The following PRICKLE1 variants were observed in gnomAD, a reference collection of about 807,000 sequenced individuals.
PRICKLE1 encodes prickle planar cell polarity protein 1, also known as prickle-like protein 1.
PRICKLE1 carries 14 observed loss-of-function variants against 70.2 expected under a neutral mutation model. The ratio of observed to expected loss-of-function variants is 0.20; its 90% confidence interval spans 0.13 to 0.31. The LOEUF is 0.31. PRICKLE1 is among the 10% of genes least tolerant of loss of function. PRICKLE1 has a pLI of 1.00. For missense variants in PRICKLE1, 821 were observed against 1,026.2 expected, an observed-to-expected ratio of 0.80 and a Z score of 2.73; for synonymous variants, 357 against 379.9, an observed-to-expected ratio of 0.94 and a Z score of 0.70.
chr12:42,524,847 G>T (rs978957544), intron 1 of PRICKLE1: 21 of 152,328 alleles, frequency 1.4e-4, no homozygotes, highest in African/African-American at 4.8e-4. Flanking sequence ...CAGCCTTGGT[G>T]CCAGCTTTGC....
At chr12:42,559,901 G>A (rs10128834) in intron 1 of PRICKLE1, among the ~76,000 whole-genome samples, 40,007 of 151,306 alleles carry the variant, frequency 0.26, 7,516 homozygotes, top group African/African-American at 0.54. Flanking sequence ...TTTGGAGCCT[G>A]TGCTGAAGGG....
intron 1 of PRICKLE1, among the ~76,000 whole-genome samples, chr12:42,486,742 G>C (rs890968190): frequency 6.6e-6 from 1 of 152,158 alleles, no homozygotes; most frequent in African/African-American, 2.4e-5. Context: ...CTCCTTTTTA[G>C]TTTTAAGGGT....
intron 1 of PRICKLE1, among the ~76,000 whole-genome samples, chr12:42,491,167 G>A (rs1044249336): frequency 6.6e-6 from 1 of 151,402 alleles, no homozygotes; most frequent in South Asian, 2.1e-4. Flanking sequence ...GAGCCACTGC[G>A]CCAGGCTTCT....
chr12:42,540,225 T>C (rs761041756), intron 1 of PRICKLE1, among the ~76,000 whole-genome samples: 6 of 152,190 alleles, frequency 3.9e-5, no homozygotes, highest in Non-Finnish European at 8.8e-5. Context: ...GGATAACTGA[T>C]AGAATGTTTC....
chr12:42,561,244 T>C (rs892533049), intron 1 of PRICKLE1, among the ~76,000 whole-genome samples: 1 of 152,210 alleles, frequency 6.6e-6, no homozygotes, highest in Admixed American at 6.6e-5. Flanking sequence ...GTTGTGTGTG[T>C]TGCAAGCGAA....
chr12:42,559,987 A>C (rs951925338), intron 1 of PRICKLE1, among the ~76,000 whole-genome samples: 4 of 151,944 alleles, frequency 2.6e-5, no homozygotes, highest in African/African-American at 9.7e-5. Flanking sequence ...TCACAAAATT[A>C]ATGTGCTAAC....
chr12:42,483,384 C>G (rs1470980257), intron 1 of PRICKLE1: 1 of 149,052 alleles, frequency 6.7e-6, no homozygotes, highest in Admixed American at 6.6e-5. Context: ...ACCTGCGGCC[C>G]GGACAGCGGC....
In PRICKLE1 at chr12:42,527,925, A is replaced by C. The variant is rs1265566795; in HGVS notation, c.-48-55361T>G. ...TATATATACTCTTTATAATATATAT[A>C]TATATATATATATATATATATATAT... On this transcript the variant is annotated intron_variant, in intron 1 of 7. Transcript: ENST00000345127. Among the ~76,000 whole-genome samples, 25 of 5,712 alleles carry C rather than the reference A, an allele frequency of 4.4e-3. 2 individuals are homozygous for C. The highest frequency in any genetic ancestry group is 0.04 in the South Asian group (7 of 174). The allele number at this position is 5,712 out of a possible 152,430, so 3.7% of individuals were successfully genotyped here.
At chr12:42,516,805 G>A (rs558670839) in intron 1 of PRICKLE1, among the ~76,000 whole-genome samples, 5 of 152,194 alleles carry the variant, frequency 3.3e-5, no homozygotes, top group African/African-American at 4.8e-5. Flanking sequence ...TGTTCTCACC[G>A]CATGCACCCA....
At chr12:42,479,618 A>G (rs1004049709) in intron 1 of PRICKLE1, among the ~76,000 whole-genome samples, 3 of 152,182 alleles carry the variant, frequency 2.0e-5, no homozygotes, top group Non-Finnish European at 4.4e-5. Flanking sequence ...GGGAATGCCA[A>G]AAGGAGCCAA....
At position 42,527,964 on chromosome 12, in the gene PRICKLE1, T is replaced by TATAC. The variant is rs1566114369; in HGVS notation, c.-48-55401_-48-55400insGTAT. Among the ~76,000 whole-genome samples, 18 of 7,192 alleles carry TATAC rather than the reference T, an allele frequency of 2.5e-3. 2 individuals are homozygous for TATAC. Among genetic ancestry groups the TATAC allele is most frequent in the African/African-American group, 6.5e-3 (18 of 2,758 alleles). The allele number at this position is 7,192 out of a possible 152,430, so 4.7% of individuals were successfully genotyped here. A position where few individuals can be genotyped will look rare whatever the true frequency, so the allele number is the denominator to read the frequency against. Reference sequence around the variant, plus strand: ...ATATATATATATATATATATATATATATATATATCTCCAAAGTTTTATATA... The same window carrying TATAC: ...ATATATATATATATATATATATATATATACATATATATCTCCAAAGTTTTATATA... On this transcript the variant is annotated intron_variant, in intron 1 of 7. Transcript: ENST00000345127.
intron 1 of PRICKLE1, among the ~76,000 whole-genome samples, chr12:42,506,545 C>T (rs142906604): frequency 2.0e-5 from 3 of 148,298 alleles, no homozygotes; most frequent in Admixed American, 6.8e-5. Context: ...ACGTGAGCCA[C>T]CGCGCCCAGC....
intron 1 of PRICKLE1, among the ~76,000 whole-genome samples, chr12:42,527,435 C>T (rs1939825545): frequency 6.6e-6 from 1 of 152,104 alleles, no homozygotes; most frequent in Non-Finnish European, 1.5e-5. Context: ...CCCCGCCCAG[C>T]CTAAAGGTGT....
chr12:42,478,611 T>TA (rs1168434142), intron 1 of PRICKLE1, among the ~76,000 whole-genome samples: 1 of 151,862 alleles, frequency 6.6e-6, no homozygotes, highest in African/African-American at 2.4e-5. Context: ...TTTTGAAAAC[T>TA]AAAAGCCTAC....
Position 42,464,564 on chromosome 12 carries a change from G to T in PRICKLE1, c.1470C>A (p.Gly490=), listed in dbSNP as rs1213762995. 6.2e-7 allele frequency: 1 copy of T among 1,613,850 alleles called. No homozygotes were observed. Among genetic ancestry groups the T allele is most frequent in the South Asian group, 1.1e-5 (1 of 91,072 alleles). The change falls in exon 7 of 8, where the codon GGC becomes GGA. Residue 490 remains glycine (G), a synonymous_variant. Transcript: ENST00000345127. The surrounding 1 kb of genome is among the most constrained non-coding windows in gnomAD (Gnocchi z 4.2). ...CCTGAAGCCTTCTACTGCTTGCAGGGCCTGGGTGGCTGCCATAAGCAGAAT... is the reference window on the plus strand; with the variant it reads ...CCTGAAGCCTTCTACTGCTTGCAGGTCCTGGGTGGCTGCCATAAGCAGAAT... ...LGDSAYGSHP[G]PASSRRLQEL...
chr12:42,495,050 T>C (rs991056773), intron 1 of PRICKLE1, among the ~76,000 whole-genome samples: 4 of 151,416 alleles, frequency 2.6e-5, no homozygotes, highest in Admixed American at 1.3e-4. Flanking sequence ...ATGTGCTCCA[T>C]GCCTGGCTAA....
chr12:42,531,283 T>TG (rs1278293940), intron 1 of PRICKLE1, among the ~76,000 whole-genome samples: 1 of 151,858 alleles, frequency 6.6e-6, no homozygotes, highest in Non-Finnish European at 1.5e-5. Flanking sequence ...CCTGACCTTG[T>TG]GATCCACCCG....
At chr12:42,495,736 G>A (rs1214467460) in intron 1 of PRICKLE1, among the ~76,000 whole-genome samples, 2 of 151,854 alleles carry the variant, frequency 1.3e-5, no homozygotes, top group Admixed American at 6.6e-5. Context: ...CTACAGGCAC[G>A]TGCCACCACG....
chr12:42,529,012 C>A (rs1372271392), intron 1 of PRICKLE1, among the ~76,000 whole-genome samples: 3 of 152,164 alleles, frequency 2.0e-5, no homozygotes, highest in Admixed American at 2.0e-4. Context: ...TGGCCCCTGT[C>A]CCTCTACTGT....
Sources: gnomAD v4.1 joint callset for allele counts (sites outside exome capture counted in the v4.1 genomes callset) on GRCh38, gnomAD v4.1.1 for gene constraint, Gnocchi (gnomAD v3.1) non-coding constraint, MANE v1.5 for transcripts, NCBI Gene and HGNC (gene_info 2026-07-23, HGNC 2026-07-21) for gene names.